The following PTPN13 variants were observed in gnomAD, a reference collection of about 807,000 sequenced individuals.
The protein encoded by PTPN13 is protein tyrosine phosphatase non-receptor type 13.
In PTPN13, 191 loss-of-function variants were observed where a neutral mutation model predicts 284.0. The observed-to-expected ratio is 0.67, with a 90% CI of 0.60 to 0.76. The LOEUF is 0.76. Among genes scored for constraint, PTPN13 ranks in the 30% least tolerant of loss-of-function variants. PTPN13 has a pLI of 0.00. For synonymous variants in PTPN13, 986 were observed against 1,022.3 expected, an observed-to-expected ratio of 0.96 and a Z score of 0.68; for missense variants, 2,797 against 2,939.9, an observed-to-expected ratio of 0.95 and a Z score of 1.12.
chr4:86,730,529 C>T (rs1416086628), intron 10 of PTPN13, among the ~76,000 whole-genome samples: 1 of 149,890 alleles, frequency 6.7e-6, no homozygotes, highest in African/African-American at 2.4e-5. Flanking sequence ...ATCCCTCCCC[C>T]GACCAGGCTG....
chr4:86,655,948 C>A (rs1578350219), intron 2 of PTPN13, among the ~76,000 whole-genome samples: 1 of 152,136 alleles, frequency 6.6e-6, no homozygotes, highest in Non-Finnish European at 1.5e-5. Flanking sequence ...TTTCTTTTTA[C>A]TCTTTTTTCT....
intron 2 of PTPN13, among the ~76,000 whole-genome samples, chr4:86,652,116 C>T (rs1295653493): frequency 1.3e-5 from 2 of 152,094 alleles, no homozygotes; most frequent in African/African-American, 4.8e-5. Context: ...ACAAAAAAAT[C>T]CAGTTTTTTT....
intron 33 of PTPN13, 96 bp from the exon 34 acceptor site, chr4:86,775,075 T>C: frequency 3.6e-6 from 3 of 833,262 alleles, no homozygotes; most frequent in Non-Finnish European, 3.6e-6. Flanking sequence ...AGCTAATATA[T>C]ATTATAAATT....
At chr4:86,612,077 C>T (rs1410222408) in intron 1 of PTPN13, among the ~76,000 whole-genome samples, 2 of 152,196 alleles carry the variant, frequency 1.3e-5, no homozygotes, top group Non-Finnish European at 2.9e-5. Flanking sequence ...GAGTACTGCT[C>T]TGGACAAGTC....
chr4:86,611,763 TAG>T (rs1427801445), intron 1 of PTPN13, among the ~76,000 whole-genome samples: 1 of 152,088 alleles, frequency 6.6e-6, no homozygotes, highest in Non-Finnish European at 1.5e-5. Context: ...CCAAGGCAGT[TAG>T]AGTTAACAGG....
At chr4:86,717,854 T>G (rs1407232035) in intron 9 of PTPN13, among the ~76,000 whole-genome samples, 1 of 152,224 alleles carries the variant, frequency 6.6e-6, no homozygotes, top group Non-Finnish European at 1.5e-5. Flanking sequence ...TAACCTATTA[T>G]GTAAAAGGTT....
At chr4:86,609,844 G>C (rs1358607812) in intron 1 of PTPN13, among the ~76,000 whole-genome samples, 2 of 152,126 alleles carry the variant, frequency 1.3e-5, no homozygotes, top group African/African-American at 4.8e-5. Context: ...TACAACCGAA[G>C]TTGTACTTCG....
intron 40 of PTPN13, 138 bp downstream of exon 40, chr4:86,786,074 A>G: frequency 2.3e-6 from 1 of 430,678 alleles, no homozygotes; most frequent in Non-Finnish European, 4.0e-6. Flanking sequence ...GATTAATTTC[A>G]TGTGTTACAT....
In PTPN13 at chr4:86,814,588, C is replaced by A; in HGVS notation, c.*37C>A. 1 of 1,517,816 alleles carries A rather than the reference C, an allele frequency of 6.6e-7. No individual in the cohort carries two copies. Among genetic ancestry groups the A allele is most frequent in the South Asian group, 1.1e-5 (1 of 88,106 alleles). 94.0% of individuals were successfully genotyped at this position (1,517,816 alleles called of 1,614,324 possible). ...CCTCTGGATGCATTTCCATTTCTCT[C>A]CTTAACCTCCAGCAGACTCCTGCTC... On this transcript the variant is annotated 3_prime_UTR_variant, in exon 48 of 48. Coordinates refer to ENST00000411767, the MANE Select transcript of PTPN13 (RefSeq NM_080683.3).
intron 1 of PTPN13, among the ~76,000 whole-genome samples, chr4:86,621,141 G>A (rs1045825403): frequency 3.8e-4 from 58 of 151,614 alleles, no homozygotes; most frequent in African/African-American, 1.1e-3. Flanking sequence ...CTGGGCTGGG[G>A]TACACGTGGG....
intron 14 of PTPN13, 143 bp from the exon 15 acceptor site, chr4:86,735,448 TTTC>T: frequency 1.2e-6 from 1 of 819,118 alleles, no homozygotes; most frequent in South Asian, 1.9e-5. Context: ...GACTGATGCA[TTTC>T]TTCTAAAACT....
chr4:86,614,390 A>G (rs1425893237), intron 1 of PTPN13, among the ~76,000 whole-genome samples: 1 of 152,230 alleles, frequency 6.6e-6, no homozygotes, highest in African/African-American at 2.4e-5. Flanking sequence ...GGTTGATTTT[A>G]CAAATTGATA....
chr4:86,773,350 G>A (rs185502637), intron 32 of PTPN13, among the ~76,000 whole-genome samples: 1 of 152,200 alleles, frequency 6.6e-6, no homozygotes, highest in African/African-American at 2.4e-5. Context: ...TATTATTTTT[G>A]TCTGCTTCTC....
chr4:86,646,919 G>A (rs186727840), intron 2 of PTPN13, among the ~76,000 whole-genome samples: 13 of 152,210 alleles, frequency 8.5e-5, no homozygotes, highest in East Asian at 3.9e-4. Context: ...CAACAACATC[G>A]ATTAATCTCA....
chr4:86,638,975 A>G (rs1479717063), intron 2 of PTPN13, among the ~76,000 whole-genome samples: 3 of 152,200 alleles, frequency 2.0e-5, no homozygotes, highest in Non-Finnish European at 4.4e-5. Context: ...AACTCAAACA[A>G]ATTTACAAGA....
Position 86,741,817 on chromosome 4 carries a change from G to GT in PTPN13, c.2487+2dup. 1.9e-6 allele frequency: 3 copies of GT among 1,584,114 alleles called. No individual in the cohort carries two copies. Among genetic ancestry groups the GT allele is most frequent in the Non-Finnish European group, 2.6e-6 (3 of 1,163,570 alleles). On this transcript the variant is annotated splice_donor_variant, in intron 16 of 47. Coordinates refer to ENST00000411767, the MANE Select transcript of PTPN13 (RefSeq NM_080683.3). LOFTEE classifies it high-confidence loss of function. ...GGAAACCAAGAAAATATCTTTTTCT[G>GT]TATGTCCATTTAACCTCTTTTCATT...
In PTPN13 at chr4:86,753,092, C is replaced by A. The variant is rs961506504; in HGVS notation, c.3223+27C>A. ...TAGGTTTACAAAATGTTTTTCCCCTCATTTCCATCATTTCTTGTACCTTAC... is the reference window on the plus strand; with the variant it reads ...TAGGTTTACAAAATGTTTTTCCCCTAATTTCCATCATTTCTTGTACCTTAC... On this transcript the variant is annotated intron_variant, in intron 20 of 47. Transcript: ENST00000411767. The A allele has an allele frequency of 2.6e-6, 4 of 1,528,862 alleles. No homozygotes were observed. The African/African-American group carries it at 5.5e-5, about 21-fold the overall frequency. The allele number at this position is 1,528,862 out of a possible 1,614,324, so 94.7% of individuals were successfully genotyped here.
intron 15 of PTPN13, among the ~76,000 whole-genome samples, chr4:86,739,982 G>T (rs1014705817): frequency 6.6e-6 from 1 of 152,254 alleles, no homozygotes; most frequent in Non-Finnish European, 1.5e-5. Flanking sequence ...TCAAGCTGAT[G>T]CAAGAGGTGG....
chr4:86,618,023 T>C (rs1720770501), intron 1 of PTPN13, among the ~76,000 whole-genome samples: 2 of 152,276 alleles, frequency 1.3e-5, no homozygotes, highest in Middle Eastern at 3.4e-3. Context: ...TGAATGGTAA[T>C]ACCAAGGGTT....
Sources: allele counts gnomAD v4.1 joint callset (sites outside exome capture counted in the v4.1 genomes callset), GRCh38; gene constraint gnomAD v4.1.1; transcripts MANE v1.5; gene names NCBI Gene and HGNC (gene_info 2026-07-23, HGNC 2026-07-21).